The following KAT14 variants were observed in gnomAD, a reference collection of about 807,000 sequenced individuals.
KAT14 encodes the protein lysine acetyltransferase 14.
A neutral mutation model predicts 78.4 loss-of-function variants in KAT14; 66 were observed. That is an observed-to-expected ratio of 0.84 (90% confidence interval 0.69 to 1.03). The LOEUF (loss-of-function observed/expected upper bound fraction) is 1.03, where lower values mean the gene tolerates loss of function less well. KAT14 is among the 50% of genes least tolerant of loss of function. The pLI, the probability that KAT14 is intolerant of heterozygous loss-of-function variation, is 0.00. For synonymous variants in KAT14, 344 were observed against 359.4 expected (o/e 0.96, Z 0.48); for missense variants, 870 against 972.5 (o/e 0.89, Z 1.40).
intron 3 of KAT14, among the ~76,000 whole-genome samples, chr20:18,145,720 G>C (rs897354819): frequency 6.6e-6 from 1 of 151,914 alleles, no homozygotes; most frequent in Admixed American, 6.6e-5. Flanking sequence ...GGCGGAGGCT[G>C]CAGTGAGCCC....
At chr20:18,184,818 T>C (rs1468245320) in intron 10 of KAT14, 26 bp downstream of exon 10, 7 of 1,582,570 alleles carry the variant, frequency 4.4e-6, no homozygotes, top group Admixed American at 1.9e-5. Flanking sequence ...TTATGATTTA[T>C]CACCTGTGTC....
chr20:18,139,834 A>T (rs1393581275), intron 1 of KAT14, among the ~76,000 whole-genome samples: 1 of 152,214 alleles, frequency 6.6e-6, no homozygotes, highest in Non-Finnish European at 1.5e-5. Flanking sequence ...ACCGTCTACC[A>T]CATACCAGGC....
At chr20:18,181,615 T>A in intron 7 of KAT14, 95 bp from the exon 8 acceptor site, 1 of 1,555,798 alleles carries the variant, frequency 6.4e-7, no homozygotes, top group Non-Finnish European at 8.7e-7. Flanking sequence ...GTGATCCGCC[T>A]ACCTCAGCTT....
intron 7 of KAT14, among the ~76,000 whole-genome samples, chr20:18,175,310 G>T (rs2038996397): frequency 6.6e-6 from 1 of 152,102 alleles, no homozygotes; most frequent in Non-Finnish European, 1.5e-5. Flanking sequence ...ACCCAGGAAG[G>T]CTCTAGTGCT....
chr20:18,148,462 A>T (rs573550029), intron 3 of KAT14, among the ~76,000 whole-genome samples: 12 of 152,084 alleles, frequency 7.9e-5, no homozygotes, highest in Non-Finnish European at 1.6e-4. Flanking sequence ...TTTGCTTGTT[A>T]TTTTTCTAGT....
intron 1 of KAT14, among the ~76,000 whole-genome samples, chr20:18,139,236 C>T (rs1332525679): frequency 1.3e-5 from 2 of 152,110 alleles, no homozygotes; most frequent in Middle Eastern, 3.2e-3. Context: ...AAATGTGCTC[C>T]TAAGGGGCTG....
intron 5 of KAT14, among the ~76,000 whole-genome samples, chr20:18,161,226 C>T (rs1303303586): frequency 2.7e-5 from 4 of 150,742 alleles, no homozygotes. Flanking sequence ...CCCATTTCCC[C>T]ATACATTTAC....
In KAT14 at chr20:18,142,786, C is replaced by T. The variant is rs745766214; in HGVS notation, c.126C>T (p.Ser42=). ...VEGETLLIVE[S]EDQASVDLSH... is the part of the protein sequence containing the mutation. ...GAGAGACGCTCCTGATCGTCGAATC[C>T]GAGGATCAGGCATCAGTGGACTTAT... The change falls in exon 2 of 11, where the codon TCC becomes TCT. Residue 42 remains serine (S), a synonymous_variant. Transcript: ENST00000688188. The T allele has an allele frequency of 1.1e-5, 18 of 1,613,964 alleles. No homozygotes were observed. The East Asian group carries it at 1.3e-4, about 12-fold the overall frequency.
chr20:18,137,916 G>A lies in KAT14; in HGVS notation c.-589G>A, dbSNP rs987114672. ...CACTCTGCGGCGGCCTCTGCGCCTC[G>A]GGCGGGCGGGAGAGAGAGGCCGCGG... On this transcript the variant is annotated 5_prime_UTR_variant, in exon 1 of 11. Transcript: ENST00000688188. 15 of 1,461,052 alleles carry A rather than the reference G, an allele frequency of 1.0e-5. No homozygotes were observed. Among genetic ancestry groups the A allele is most frequent in the Non-Finnish European group, 1.3e-5 (14 of 1,113,414 alleles). The allele number at this position is 1,461,052 out of a possible 1,614,324, so 90.5% of individuals were successfully genotyped here.
At position 18,142,723 on chromosome 20, in the gene KAT14, A is replaced by G. The variant is rs760836622; in HGVS notation, c.63A>G (p.Thr21=). ...GGCATGATGACGAAGCCACGAGAAC[A>G]TCGACCTCAGAAGGACTGGAGGAAG... ...ISRHDDEATR[T]STSEGLEEGE... Residue 21 remains threonine (T), a synonymous_variant, in exon 2 of 11, where the codon ACA becomes ACG. Transcript: ENST00000688188. The G allele has an allele frequency of 1.2e-6, 2 of 1,614,116 alleles. No individual in the cohort carries two copies. The highest frequency in any genetic ancestry group is 1.3e-5 in the African/African-American group (1 of 74,938).
intron 3 of KAT14, among the ~76,000 whole-genome samples, chr20:18,146,550 T>G (rs942897306): frequency 6.6e-6 from 1 of 152,086 alleles, no homozygotes; most frequent in Admixed American, 6.6e-5. Flanking sequence ...TCCCAGCTAC[T>G]TGGGAGGCTG....
At position 18,145,302 on chromosome 20, in the gene KAT14, C is replaced by T. The variant is rs780144728; in HGVS notation, c.329C>T (p.Ser110Leu). 6.2e-7 allele frequency: 1 copy of T among 1,614,130 alleles called. No homozygotes were observed. Among genetic ancestry groups the T allele is most frequent in the East Asian group, 2.2e-5 (1 of 44,886 alleles). ...NFFRFTCSDC[S>L]ADGKEQYERL... Reference sequence around the variant, plus strand: ...TTTAGGTTTACTTGTTCGGATTGCTCAGCAGATGGCAAGGAGCAGTATGAA... The same window carrying T: ...TTTAGGTTTACTTGTTCGGATTGCTTAGCAGATGGCAAGGAGCAGTATGAA... The change falls in exon 3 of 11, where the codon TCA becomes TTA. Residue 110 changes from serine (S) to leucine (L), a missense_variant. Physicochemically the swap from Ser to Leu is moderately radical, Grantham distance 145. Transcript: ENST00000688188.
chr20:18,184,489 T>TG (rs1025604040), intron 9 of KAT14, 113 bp from the exon 10 acceptor site: 106 of 881,022 alleles, frequency 1.2e-4, no homozygotes, highest in Non-Finnish European at 1.5e-4. Context: ...TTTGGTGTTT[T>TG]TTTTTTTTTT....
At chr20:18,148,865 C>G (rs908065419) in intron 3 of KAT14, among the ~76,000 whole-genome samples, 1 of 152,104 alleles carries the variant, frequency 6.6e-6, no homozygotes, top group Non-Finnish European at 1.5e-5. Context: ...CCACCTCAGC[C>G]TCCCAAAGTG....
intron 8 of KAT14, among the ~76,000 whole-genome samples, chr20:18,182,217 G>A (rs2039285353): frequency 6.6e-6 from 1 of 151,944 alleles, no homozygotes; most frequent in Non-Finnish European, 1.5e-5. Flanking sequence ...TGCCTCCGGG[G>A]TTCAGGGAAT....
At chr20:18,154,008 C>G (rs1022335145) in intron 4 of KAT14, among the ~76,000 whole-genome samples, 1 of 152,198 alleles carries the variant, frequency 6.6e-6, no homozygotes, top group Non-Finnish European at 1.5e-5. Flanking sequence ...TTCTTTTGAT[C>G]TAACCAGAAG....
At chr20:18,149,709 A>G (rs1182118583) in intron 3 of KAT14, among the ~76,000 whole-genome samples, 1 of 152,204 alleles carries the variant, frequency 6.6e-6, no homozygotes, top group Non-Finnish European at 1.5e-5. Context: ...GCAGTGGCTC[A>G]CATCTGTAAT....
intron 3 of KAT14, 50 bp from the exon 4 acceptor site, chr20:18,150,771 A>G: frequency 6.2e-7 from 1 of 1,607,432 alleles, no homozygotes; most frequent in Non-Finnish European, 8.5e-7. Context: ...CTCAAGATTA[A>G]CATCCCTAAC....
chr20:18,184,522 T>A, intron 9 of KAT14, 80 bp from the exon 10 acceptor site: 5 of 1,218,880 alleles, frequency 4.1e-6, no homozygotes, highest in Admixed American at 2.7e-5. Context: ...GGTGTAGCTA[T>A]ATGTACATGC....
Sources: gnomAD v4.1 joint callset for allele counts (sites outside exome capture counted in the v4.1 genomes callset) on GRCh38, gnomAD v4.1.1 for gene constraint, MANE v1.5 for transcripts, NCBI Gene and HGNC (gene_info 2026-07-23, HGNC 2026-07-21) for gene names.